The following CNOT9 variants were observed in gnomAD, a reference collection of about 807,000 sequenced individuals.
CNOT9 encodes the protein CCR4-NOT transcription complex subunit 9, also known as RCD1 required for cell differentiation1 homolog.
Under a neutral mutation model 37.4 loss-of-function variants are expected in CNOT9, and 8 were observed. The observed-to-expected ratio is 0.21, with a 90% confidence interval of 0.13 to 0.39. The LOEUF is 0.39. CNOT9 is among the 10% of genes least tolerant of loss of function. CNOT9 has a pLI of 1.00. For missense variants in CNOT9, 154 were observed against 365.3 expected, an observed-to-expected ratio of 0.42 and a Z score of 4.71; for synonymous variants, 120 against 137.6, an observed-to-expected ratio of 0.87 and a Z score of 0.90.
chr2:218,569,506 C>T (rs1192275021), intron 1 of CNOT9, among the ~76,000 whole-genome samples: 1 of 152,146 alleles, frequency 6.6e-6, no homozygotes, highest in African/African-American at 2.4e-5. Context: ...TCGTTTTACC[C>T]GCGTGATCTT....
chr2:218,569,732 A>G (rs879595331), intron 1 of CNOT9, among the ~76,000 whole-genome samples: 8 of 152,172 alleles, frequency 5.3e-5, no homozygotes, highest in Non-Finnish European at 1.2e-4. Flanking sequence ...TTTCTCCAAG[A>G]TGCACTTTGT....
intron 1 of CNOT9, among the ~76,000 whole-genome samples, chr2:218,570,639 T>G (rs1337067346): frequency 2.6e-5 from 4 of 152,224 alleles, no homozygotes; most frequent in Non-Finnish European, 5.9e-5. Flanking sequence ...ATTCTAAGGT[T>G]GACTTGTCCA....
At chr2:218,578,735 C>T (rs941184109) in intron 1 of CNOT9, among the ~76,000 whole-genome samples, 3 of 152,070 alleles carry the variant, frequency 2.0e-5, no homozygotes, top group African/African-American at 7.2e-5. Context: ...TGGAAATCAC[C>T]AGGAATTTGT....
intron 1 of CNOT9, among the ~76,000 whole-genome samples, chr2:218,577,388 G>T (rs1694208866): frequency 6.6e-6 from 1 of 152,152 alleles, no homozygotes. Flanking sequence ...TAGAATGACA[G>T]CAGAACCCAT....
intron 4 of CNOT9, among the ~76,000 whole-genome samples, chr2:218,585,058 T>A (rs1293583639): frequency 1.3e-5 from 2 of 152,114 alleles, no homozygotes; most frequent in Non-Finnish European, 2.9e-5. Flanking sequence ...TTGGGACTTC[T>A]CCTCTTCCCT....
intron 1 of CNOT9, among the ~76,000 whole-genome samples, chr2:218,570,065 C>G (rs1693927929): frequency 6.6e-6 from 1 of 152,098 alleles, no homozygotes; most frequent in Non-Finnish European, 1.5e-5. Context: ...ACGTGGTTTC[C>G]CCGGTGCCAG....
Position 218,594,461 on chromosome 2 carries a change from C to T in CNOT9, c.*185C>T, listed in dbSNP as rs183061947. On this transcript the variant is annotated 3_prime_UTR_variant, in exon 8 of 8. Transcript: ENST00000273064. ...CTGCCATCTCAGGCTGTCTTGAGGA[C>T]CTGGGCTCCCTCTGCTACTCCCAGG... The T allele has an allele frequency of 2.9e-4, 185 of 637,358 alleles. 1 individual carries two copies. The highest frequency in any genetic ancestry group is 1.3e-3 in the Admixed American group (42 of 31,654). 39.5% of individuals were successfully genotyped at this position (637,358 alleles called of 1,614,324 possible). A position where few individuals can be genotyped will look rare whatever the true frequency, so the allele number is the denominator to read the frequency against.
At chr2:218,580,843 TA>T in intron 2 of CNOT9, 103 bp downstream of exon 2, 1 of 1,055,786 alleles carries the variant, frequency 9.5e-7, no homozygotes, top group Non-Finnish European at 1.4e-6. Context: ...GATGATTCTT[TA>T]AAAAACTGCA....
chr2:218,569,121 C>A, intron 1 of CNOT9, 143 bp downstream of exon 1: 1 of 893,660 alleles, frequency 1.1e-6, no homozygotes, highest in Non-Finnish European at 1.7e-6. Context: ...CCCTCCTCGG[C>A]ACGCTTTGGT....
rs1694632027 is a variant in CNOT9 at position 218,587,412 on chromosome 2, T to C, written c.431-174T>C. 2.5e-6 allele frequency: 3 copies of C among 1,221,818 alleles called. No individual in the cohort carries two copies. The African/African-American group carries it at 4.7e-5, about 19-fold the overall frequency. The allele number at this position is 1,221,818 out of a possible 1,614,324, so 75.7% of individuals were successfully genotyped here. A position where few individuals can be genotyped will look rare whatever the true frequency, so the allele number is the denominator to read the frequency against. On this transcript the variant is annotated intron_variant, in intron 4 of 7. Transcript: ENST00000273064. ...TGCTGGGATTACAGGTGTGAGCTAC[T>C]GCGCCGCCCTCTTCCTTTTTTTTTT...
chr2:218,593,513 A>G, intron 7 of CNOT9: 1 of 1,473,106 alleles, frequency 6.8e-7, no homozygotes, highest in Non-Finnish European at 9.1e-7. Context: ...CATAGTTAAC[A>G]TTTACCTTTT....
At chr2:218,575,494 T>A (rs906898834) in intron 1 of CNOT9, among the ~76,000 whole-genome samples, 1 of 145,320 alleles carries the variant, frequency 6.9e-6, no homozygotes, top group Non-Finnish European at 1.6e-5. Flanking sequence ...CAAGCTCCGC[T>A]TCCCGGGTTC....
rs13005348 is a variant in CNOT9 at position 218,595,233 on chromosome 2, C to T, written c.*957C>T. 2 of 152,050 alleles carry T rather than the reference C, an allele frequency of 1.3e-5. No homozygotes were observed. Among genetic ancestry groups the T allele is most frequent in the African/African-American group, 4.8e-5 (2 of 41,410 alleles). 9.4% of individuals were successfully genotyped at this position (152,050 alleles called of 1,614,324 possible). A position where few individuals can be genotyped will look rare whatever the true frequency, so the allele number is the denominator to read the frequency against. On this transcript the variant is annotated 3_prime_UTR_variant, in exon 8 of 8. Coordinates refer to ENST00000273064, the MANE Select transcript of CNOT9 (RefSeq NM_005444.3). ...TTTCAAAGATATTTTCTCAATAACT[C>T]TAAAAGGGAGGTGCTTGGGATTAAG...
chr2:218,569,937 C>T (rs545227378), intron 1 of CNOT9, among the ~76,000 whole-genome samples: 61 of 152,282 alleles, frequency 4.0e-4, no homozygotes, highest in Admixed American at 2.3e-3. Context: ...ATTAGTTCCG[C>T]AGCCTCTAAC....
intron 1 of CNOT9, among the ~76,000 whole-genome samples, 154 bp downstream of exon 1, chr2:218,569,132 T>A (rs557644391): frequency 1.2e-4 from 18 of 152,300 alleles, no homozygotes; most frequent in African/African-American, 3.4e-4. Flanking sequence ...ACGCTTTGGT[T>A]GTGGTGGAGC....
chr2:218,581,195 A>C, intron 2 of CNOT9: 1 of 299,300 alleles, frequency 3.3e-6, no homozygotes, highest in Non-Finnish European at 6.7e-6. Flanking sequence ...TTGAGACGGA[A>C]TCTCGCTCTG....
Position 218,568,856 on chromosome 2 carries a change from C to A in CNOT9, c.-99C>A. 1 of 1,376,884 alleles carries A rather than the reference C, an allele frequency of 7.3e-7. No individual in the cohort carries two copies. Among genetic ancestry groups the A allele is most frequent in the Non-Finnish European group, 1.0e-6 (1 of 997,438 alleles). The allele number at this position is 1,376,884 out of a possible 1,614,324, so 85.3% of individuals were successfully genotyped here. A position where few individuals can be genotyped will look rare whatever the true frequency, so the allele number is the denominator to read the frequency against. On this transcript the variant is annotated 5_prime_UTR_variant, in exon 1 of 8. Coordinates refer to ENST00000273064, the MANE Select transcript of CNOT9 (RefSeq NM_005444.3). Reference sequence around the variant, plus strand: ...GGCGGAGCGAGCCGGAGTCGGATGGCGGCTACGGCGGCTCATTGTTTTCCG... The same window carrying A: ...GGCGGAGCGAGCCGGAGTCGGATGGAGGCTACGGCGGCTCATTGTTTTCCG...
rs116466409 is a variant in CNOT9, at chr2:218,569,212, C to T, written c.24+234C>T. Among the ~76,000 whole-genome samples, 490 of 152,298 alleles carry T rather than the reference C, an allele frequency of 3.2e-3. 1 individual carries two copies. Among genetic ancestry groups the T allele is most frequent in the African/African-American group, 0.011 (470 of 41,568 alleles). On this transcript the variant is annotated intron_variant, in intron 1 of 7. Transcript: ENST00000273064. Reference sequence around the variant, plus strand: ...GACCCATCGCGTTCTTTGCGGGCGCCGGGGCCTGGTCCCACGCCCGTAGCA... The same window carrying T: ...GACCCATCGCGTTCTTTGCGGGCGCTGGGGCCTGGTCCCACGCCCGTAGCA...
intron 2 of CNOT9, 83 bp from the exon 3 acceptor site, chr2:218,582,887 GC>G (rs1694442736): frequency 1.4e-6 from 1 of 732,458 alleles, no homozygotes. Context: ...TATTTTATTT[GC>G]CTTTTTTTTT....
Sources: allele counts gnomAD v4.1 joint callset (sites outside exome capture counted in the v4.1 genomes callset), GRCh38; gene constraint gnomAD v4.1.1; transcripts MANE v1.5; gene names NCBI Gene and HGNC (gene_info 2026-07-23, HGNC 2026-07-21).